The following ARHGAP26 variants were observed in gnomAD, a reference collection of about 807,000 sequenced individuals.
ARHGAP26 encodes the protein rho GTPase-activating protein 26.
In ARHGAP26, 38 loss-of-function variants were observed where a neutral mutation model predicts 104.8. The ratio of observed to expected loss-of-function variants is 0.36; its 90% CI spans 0.28 to 0.48. The LOEUF (loss-of-function observed/expected upper bound fraction) is 0.48. ARHGAP26 is among the 20% of genes least tolerant of loss of function. ARHGAP26 has a pLI of 0.99. For missense variants in ARHGAP26, 704 were observed against 947.9 expected (o/e 0.74, Z 3.38); for synonymous variants, 341 against 340.0 (o/e 1.00, Z -0.03).
At chr5:142,892,108 A>G (rs1447223653) in intron 5 of ARHGAP26, among the ~76,000 whole-genome samples, 8 of 151,988 alleles carry the variant, frequency 5.3e-5, no homozygotes, top group Non-Finnish European at 7.3e-5. Flanking sequence ...TGCTTGGAGT[A>G]AACTGTTGTT....
At chr5:142,932,533 AGTT>A (rs1163514680) in intron 11 of ARHGAP26, among the ~76,000 whole-genome samples, 1 of 152,176 alleles carries the variant, frequency 6.6e-6, no homozygotes, top group Non-Finnish European at 1.5e-5. Flanking sequence ...GTAATCTTGT[AGTT>A]GTTCTGCATC....
At chr5:143,150,690 G>C (rs1799745555) in intron 20 of ARHGAP26, among the ~76,000 whole-genome samples, 1 of 152,188 alleles carries the variant, frequency 6.6e-6, no homozygotes, top group Non-Finnish European at 1.5e-5. Context: ...ATAAAATTCA[G>C]ATTTCATGCT....
At chr5:142,988,470 T>G (rs957515760) in intron 11 of ARHGAP26, among the ~76,000 whole-genome samples, 1 of 152,100 alleles carries the variant, frequency 6.6e-6, no homozygotes, top group African/African-American at 2.4e-5. Context: ...TTTTGAAGGG[T>G]TTTTTGTGTC....
intron 17 of ARHGAP26, among the ~76,000 whole-genome samples, chr5:143,082,451 T>C (rs11750569): frequency 0.072 from 10,898 of 152,290 alleles, 538 homozygotes; most frequent in African/African-American, 0.14. Context: ...TAAAATTAGT[T>C]TGAATTTGTT....
intron 17 of ARHGAP26, among the ~76,000 whole-genome samples, chr5:143,107,488 G>A (rs1004978704): frequency 1.3e-5 from 2 of 152,190 alleles, no homozygotes; most frequent in African/African-American, 4.8e-5. Flanking sequence ...GCTGCCATCA[G>A]CTTGGCCTTC....
chr5:142,864,725 CCT>C (rs1161295716), intron 1 of ARHGAP26, among the ~76,000 whole-genome samples: 1 of 152,232 alleles, frequency 6.6e-6, no homozygotes, highest in Non-Finnish European at 1.5e-5. Context: ...GCATCCCTGT[CCT>C]CTCTCTTCCA....
chr5:143,057,947 T>C, intron 17 of ARHGAP26, 200 bp downstream of exon 17: 1 of 692,064 alleles, frequency 1.4e-6, no homozygotes, highest in Non-Finnish European at 2.7e-6. Context: ...CAGAGGATGC[T>C]GGGGAAGTGC....
intron 1 of ARHGAP26, among the ~76,000 whole-genome samples, chr5:142,864,344 C>T (rs1753881450): frequency 6.6e-6 from 1 of 152,212 alleles, no homozygotes; most frequent in Non-Finnish European, 1.5e-5. Flanking sequence ...ATTTAAAAGG[C>T]ACGACTTGAG....
chr5:143,031,865 G>T (rs246636), intron 12 of ARHGAP26, among the ~76,000 whole-genome samples: 1 of 151,848 alleles, frequency 6.6e-6, no homozygotes, highest in African/African-American at 2.4e-5. Flanking sequence ...TCATTTGATT[G>T]TACCTTAGAG....
chr5:142,786,831 G>A (rs1462502446), intron 1 of ARHGAP26, among the ~76,000 whole-genome samples: 1 of 151,934 alleles, frequency 6.6e-6, no homozygotes, highest in African/African-American at 2.4e-5. Context: ...ATTTTTAGTA[G>A]AGACGGGGTT....
At chr5:142,957,521 A>G (rs1455193658) in intron 11 of ARHGAP26, among the ~76,000 whole-genome samples, 1 of 152,206 alleles carries the variant, frequency 6.6e-6, no homozygotes, top group African/African-American at 2.4e-5. Context: ...ACCATTGGTA[A>G]TAAGACCTTC....
At chr5:143,075,398 A>T (rs1287659422) in intron 17 of ARHGAP26, among the ~76,000 whole-genome samples, 1 of 151,554 alleles carries the variant, frequency 6.6e-6, no homozygotes, top group African/African-American at 2.4e-5. Context: ...CTTTTAGGTC[A>T]AAATAGCAAT....
chr5:143,000,825 A>G (rs1454021884), intron 11 of ARHGAP26, among the ~76,000 whole-genome samples: 2 of 152,206 alleles, frequency 1.3e-5, no homozygotes, highest in African/African-American at 4.8e-5. Context: ...GGAGTTGAAC[A>G]GTGAGAACAC....
At chr5:143,195,895 C>G (rs1469200510) in intron 20 of ARHGAP26, among the ~76,000 whole-genome samples, 2 of 150,140 alleles carry the variant, frequency 1.3e-5, no homozygotes, top group Admixed American at 1.3e-4. Flanking sequence ...AGCACAAAAA[C>G]TTTGCGTATG....
At chr5:142,810,325 T>C (rs1763814464) in intron 1 of ARHGAP26, among the ~76,000 whole-genome samples, 1 of 152,150 alleles carries the variant, frequency 6.6e-6, no homozygotes, top group African/African-American at 2.4e-5. Flanking sequence ...ACAATAATAG[T>C]CGAAAGAATA....
At chr5:143,112,476 A>C (rs1011464254) in intron 17 of ARHGAP26, among the ~76,000 whole-genome samples, 2 of 151,826 alleles carry the variant, frequency 1.3e-5, no homozygotes, top group African/African-American at 4.9e-5. Flanking sequence ...ACTGTAAAAT[A>C]CATATAATGT....
chr5:143,145,458 A>C (rs1799041861), intron 19 of ARHGAP26, among the ~76,000 whole-genome samples: 2 of 152,196 alleles, frequency 1.3e-5, no homozygotes, highest in South Asian at 4.1e-4. Flanking sequence ...TCTTTCGGGC[A>C]TCTTTGTATG....
chr5:142,927,594 G>GT (rs1207198505), intron 10 of ARHGAP26, among the ~76,000 whole-genome samples: 1 of 152,106 alleles, frequency 6.6e-6, no homozygotes, highest in African/African-American at 2.4e-5. Context: ...ATTTGTTGTT[G>GT]TTTTTGCAAT....
intron 17 of ARHGAP26, among the ~76,000 whole-genome samples, chr5:143,098,572 T>A (rs554448582): frequency 6.6e-6 from 1 of 152,278 alleles, no homozygotes; most frequent in South Asian, 2.1e-4. Flanking sequence ...AAAGACCAAT[T>A]CTTTATAATA....
Sources: gnomAD v4.1 joint callset for allele counts (sites outside exome capture counted in the v4.1 genomes callset) on GRCh38, gnomAD v4.1.1 for gene constraint, MANE v1.5 for transcripts, NCBI Gene and HGNC (gene_info 2026-07-23, HGNC 2026-07-21) for gene names.